Variants in ARNT2 observed in about 807,000 individuals in gnomAD.
ARNT2 encodes aryl hydrocarbon receptor nuclear translocator 2, also known as ARNT protein 2.
A neutral mutation model predicts 91.7 loss-of-function variants in ARNT2; 36 were observed. The ratio of observed to expected loss-of-function variants is 0.39; its 90% confidence interval spans 0.30 to 0.52. The LOEUF is 0.52. Among genes scored for constraint, ARNT2 ranks in the 20% least tolerant of loss-of-function variants. The pLI is 0.72. For missense variants in ARNT2, 775 were observed against 939.3 expected (o/e 0.83, Z 2.29); for synonymous variants, 365 against 347.1 (o/e 1.05, Z -0.57).
At chr15:80,506,701 C>T (rs1897280229) in intron 5 of ARNT2, among the ~76,000 whole-genome samples, 1 of 152,128 alleles carries the variant, frequency 6.6e-6, no homozygotes, top group African/African-American at 2.4e-5. Flanking sequence ...ATCTTGATGT[C>T]CTCAGTATGT....
chr15:80,448,062 T>C lies in ARNT2; in HGVS notation c.32-2818T>C, dbSNP rs144651301. Among the ~76,000 whole-genome samples the C allele has an allele frequency of 7.2e-3, 1,088 of 151,890 alleles. 36 individuals carry two copies. The highest frequency in any genetic ancestry group is 0.031 in the East Asian group (160 of 5,186). The stretch of plus-strand genomic sequence containing the variant: ...ATAATCATGATCATTTTAATTATTG[T>C]TGCTTGAGTGTTTTTTTTTCCCAAG... On this transcript the variant is annotated intron_variant, in intron 1 of 18. Coordinates refer to ENST00000303329, the MANE Select transcript of ARNT2 (RefSeq NM_014862.4).
At chr15:80,553,841 A>C (rs1245359666) in intron 10 of ARNT2, among the ~76,000 whole-genome samples, 1 of 152,234 alleles carries the variant, frequency 6.6e-6, no homozygotes, top group East Asian at 1.9e-4. Flanking sequence ...TCAAACTAGA[A>C]CTATTAGGAC....
intron 5 of ARNT2, among the ~76,000 whole-genome samples, chr15:80,481,552 A>C (rs982366307): frequency 1.3e-5 from 2 of 152,044 alleles, no homozygotes; most frequent in African/African-American, 4.8e-5. Context: ...TCTACAAAAA[A>C]ATTTAAAAAA....
chr15:80,466,241 G>A lies in ARNT2; in HGVS notation c.195-3977G>A, dbSNP rs116428541. Among the ~76,000 whole-genome samples, 1,078 of 152,268 alleles carry A rather than the reference G, an allele frequency of 7.1e-3. 10 individuals carry two copies. Among genetic ancestry groups the A allele is most frequent in the African/African-American group, 0.025 (1,032 of 41,560 alleles). On this transcript the variant is annotated intron_variant, in intron 3 of 18. Transcript: ENST00000303329. Reference sequence around the variant, plus strand: ...CTCACCGTTCAGATTAAACTTAGGAGGTCCCCATCAGGAACAGAGTTGGAA... The same window carrying A: ...CTCACCGTTCAGATTAAACTTAGGAAGTCCCCATCAGGAACAGAGTTGGAA...
intron 18 of ARNT2, among the ~76,000 whole-genome samples, chr15:80,593,293 C>T (rs971950912): frequency 2.5e-4 from 38 of 152,218 alleles, no homozygotes; most frequent in African/African-American, 8.0e-4. Context: ...TTGGGGCCAG[C>T]CTGGGGTCTC....
chr15:80,446,906 C>G (rs1595966611), intron 1 of ARNT2, among the ~76,000 whole-genome samples: 1 of 152,192 alleles, frequency 6.6e-6, no homozygotes, highest in African/African-American at 2.4e-5. Context: ...GTTATATATA[C>G]TTTCTCCTGT....
Position 80,404,745 on chromosome 15 carries a change from T to C in ARNT2, c.31+199T>C, listed in dbSNP as rs541253601. 6.6e-6 allele frequency among the ~76,000 whole-genome samples: 1 copy of C among 151,798 alleles called. No homozygotes were observed. The highest frequency in any genetic ancestry group is 1.5e-5 in the Non-Finnish European group (1 of 67,906). ...TGCATCCCAATCGCTGCCCATCCGGTCCCGGGCAGGCGCCGGTCCGGACCC... is the reference window on the plus strand; with the variant it reads ...TGCATCCCAATCGCTGCCCATCCGGCCCCGGGCAGGCGCCGGTCCGGACCC... On this transcript the variant is annotated intron_variant, in intron 1 of 18. Transcript: ENST00000303329. The surrounding 1 kb of genome is among the most constrained non-coding windows in gnomAD (Gnocchi z 5.5).
At chr15:80,570,583 G>A (rs1227490928) in intron 12 of ARNT2, among the ~76,000 whole-genome samples, 3 of 152,022 alleles carry the variant, frequency 2.0e-5, no homozygotes, top group Non-Finnish European at 2.9e-5. Flanking sequence ...CTCCCACTTT[G>A]CTGGTCTAAC....
rs1002911157 is a variant in ARNT2 at position 80,545,298 on chromosome 15, G to A, written c.878-5901G>A. Among the ~76,000 whole-genome samples, 15 of 152,338 alleles carry A rather than the reference G, an allele frequency of 9.8e-5. 2 individuals are homozygous for A. Among genetic ancestry groups the A allele is most frequent in the Admixed American group, 2.0e-4 (3 of 15,310 alleles). ...CATTCTAGAATCACCTGGTCCTCTTGAAAGAGGGCAGGGCTCTTTAAATTC... is the reference window on the plus strand; with the variant it reads ...CATTCTAGAATCACCTGGTCCTCTTAAAAGAGGGCAGGGCTCTTTAAATTC... On this transcript the variant is annotated intron_variant, in intron 8 of 18. Transcript: ENST00000303329.
chr15:80,580,609 A>G, intron 16 of ARNT2, 60 bp downstream of exon 16: 1 of 1,607,920 alleles, frequency 6.2e-7, no homozygotes, highest in East Asian at 2.2e-5. Context: ...CACTCTGGGA[A>G]GTGTTTTCTT....
Position 80,597,101 on chromosome 15 carries a change from C to T in ARNT2, c.*3403C>T. The T allele has an allele frequency of 5.8e-6, 3 of 516,656 alleles. No individual in the cohort carries two copies. Among genetic ancestry groups the T allele is most frequent in the South Asian group, 1.4e-5 (1 of 71,338 alleles). The allele number at this position is 516,656 out of a possible 1,614,324, so 32.0% of individuals were successfully genotyped here. A position where few individuals can be genotyped will look rare whatever the true frequency, so the allele number is the denominator to read the frequency against. On this transcript the variant is annotated 3_prime_UTR_variant, in exon 19 of 19. Coordinates refer to ENST00000303329, the MANE Select transcript of ARNT2 (RefSeq NM_014862.4). The stretch of plus-strand genomic sequence containing the variant: ...CTTACACTGGGGAGCTTTACTCTTC[C>T]GTGTCAACAATGTGACTACATGTTC...
intron 12 of ARNT2, among the ~76,000 whole-genome samples, chr15:80,570,837 G>A (rs552740603): frequency 1.4e-4 from 22 of 152,064 alleles, no homozygotes; most frequent in Admixed American, 1.3e-4. Flanking sequence ...GTCTGTCCCC[G>A]GTGCCTGGCA....
At chr15:80,547,391 G>A (rs553137795) in intron 8 of ARNT2, among the ~76,000 whole-genome samples, 1 of 152,152 alleles carries the variant, frequency 6.6e-6, no homozygotes, top group Admixed American at 6.5e-5. Flanking sequence ...CCCTGAAGAG[G>A]CAGTAAAAAT....
Position 80,568,954 on chromosome 15 carries a change from GCA to G in ARNT2, c.1317-5187_1317-5186del, listed in dbSNP as rs760052356. 8.5e-5 allele frequency among the ~76,000 whole-genome samples: 13 copies of G among 152,292 alleles called. No individual in the cohort carries two copies. The East Asian group carries it at 9.7e-4, about 11-fold the overall frequency. ...CACACACGCGCACACACACGCGCGT[GCA>G]CACACATGCTTGACTGGACCGTGCT... On this transcript the variant is annotated intron_variant, in intron 12 of 18. Coordinates refer to ENST00000303329, the MANE Select transcript of ARNT2 (RefSeq NM_014862.4).
At chr15:80,468,633 C>T (rs1233608905) in intron 3 of ARNT2, among the ~76,000 whole-genome samples, 2 of 146,182 alleles carry the variant, frequency 1.4e-5, no homozygotes, top group African/African-American at 5.6e-5. Context: ...CCAGGACCAC[C>T]TCCTCCTCTT....
intron 5 of ARNT2, among the ~76,000 whole-genome samples, chr15:80,485,237 T>C (rs972880640): frequency 2.6e-5 from 4 of 152,216 alleles, no homozygotes; most frequent in African/African-American, 7.2e-5. Flanking sequence ...TCTTTGTTAG[T>C]TTTGCCCCTT....
intron 12 of ARNT2, among the ~76,000 whole-genome samples, chr15:80,571,394 A>G (rs766635018): frequency 1.3e-5 from 2 of 152,214 alleles, no homozygotes; most frequent in Non-Finnish European, 2.9e-5. Flanking sequence ...CAAACAGCCT[A>G]CACTTGGAAT....
intron 5 of ARNT2, among the ~76,000 whole-genome samples, chr15:80,505,927 G>GTTT (rs1161520898): frequency 4.5e-5 from 4 of 88,924 alleles, no homozygotes; most frequent in Non-Finnish European, 6.5e-5. Flanking sequence ...AACATTTGTT[G>GTTT]TTTTTTTTTT....
At chr15:80,537,027 C>T (rs146485780) in intron 8 of ARNT2, among the ~76,000 whole-genome samples, 1 of 152,140 alleles carries the variant, frequency 6.6e-6, no homozygotes, top group Non-Finnish European at 1.5e-5. Flanking sequence ...TGACATTGCC[C>T]CTCCCTCCCC....
Sources: gnomAD v4.1 joint callset for allele counts (sites outside exome capture counted in the v4.1 genomes callset) on GRCh38, gnomAD v4.1.1 for gene constraint, Gnocchi (gnomAD v3.1) non-coding constraint, MANE v1.5 for transcripts, NCBI Gene and HGNC (gene_info 2026-07-23, HGNC 2026-07-21) for gene names.